RPS6KC1: variants seen among roughly 807,000 people sequenced by gnomAD.
The protein encoded by RPS6KC1 is ribosomal protein S6 kinase C1.
A neutral mutation model predicts 103.8 loss-of-function variants in RPS6KC1; 54 were observed. That is an observed-to-expected ratio of 0.52 (90% confidence interval 0.42 to 0.65). RPS6KC1 has a LOEUF of 0.65. Among genes scored for constraint, RPS6KC1 ranks in the 30% least tolerant of loss-of-function variants. The probability of loss-of-function intolerance (pLI) is 0.00; values close to 1 mark genes in which losing one functional copy is unlikely to be tolerated. For missense variants in RPS6KC1, 1,151 were observed against 1,253.8 expected (o/e 0.92, Z 1.24); for synonymous variants, 439 against 438.7 (o/e 1.00, Z -0.01).
At chr1:213,237,257 C>G (rs533671201) in intron 10 of RPS6KC1, among the ~76,000 whole-genome samples, 1 of 152,076 alleles carries the variant, frequency 6.6e-6, no homozygotes, top group Non-Finnish European at 1.5e-5. Context: ...AATGTAAATG[C>G]TGGCTCACCA....
Position 213,115,138 on chromosome 1 carries a change from A to T in RPS6KC1, c.379-2179A>T, listed in dbSNP as rs561351318. ...GTTTCAGAAGGAATAGTACCAGCTC[A>T]TCTTTGTACCTCTGGTAGAATTCGG... On this transcript the variant is annotated intron_variant, in intron 4 of 14. Coordinates refer to ENST00000366960, the MANE Select transcript of RPS6KC1 (RefSeq NM_012424.6). Among the ~76,000 whole-genome samples, 5 of 152,266 alleles carry T rather than the reference A, an allele frequency of 3.3e-5. No homozygotes were observed. In the South Asian group the frequency reaches 8.3e-4, roughly 25 times the overall value.
At chr1:213,587,446 A>G in the RPS6KC1 span, among the ~76,000 whole-genome samples, 89 of 152,330 alleles carry the variant, frequency 5.8e-4, 2 homozygotes, top group East Asian at 0.016. Flanking sequence ...GCCTGGGAAG[A>G]TACCTTCAAG....
chr1:213,804,949 G>T, the RPS6KC1 span, among the ~76,000 whole-genome samples: 1 of 152,242 alleles, frequency 6.6e-6, no homozygotes, highest in East Asian at 1.9e-4. Context: ...AGCAAATATC[G>T]CAACAAAGCA....
chr1:213,839,422 G>A, the RPS6KC1 span, among the ~76,000 whole-genome samples: 1 of 152,164 alleles, frequency 6.6e-6, no homozygotes, highest in Non-Finnish European at 1.5e-5. Flanking sequence ...CTTTCTGAAG[G>A]AGTTTGAGGC....
chr1:213,418,702 T>C, the RPS6KC1 span, among the ~76,000 whole-genome samples: 1 of 152,232 alleles, frequency 6.6e-6, no homozygotes, highest in Non-Finnish European at 1.5e-5. Context: ...TTGAGTTCCC[T>C]TGTCAACAGG....
At chr1:213,325,545 T>C in the RPS6KC1 span, among the ~76,000 whole-genome samples, 1 of 152,124 alleles carries the variant, frequency 6.6e-6, no homozygotes, top group Non-Finnish European at 1.5e-5. Flanking sequence ...CCTTCTAGAG[T>C]TCTCTTTCTA....
At chr1:213,806,975 G>A in the RPS6KC1 span, among the ~76,000 whole-genome samples, 2 of 151,786 alleles carry the variant, frequency 1.3e-5, no homozygotes, top group Non-Finnish European at 3.0e-5. Flanking sequence ...GGCAGGCCTG[G>A]TGGTGACAAA....
the RPS6KC1 span, among the ~76,000 whole-genome samples, chr1:213,482,160 A>G: frequency 6.6e-6 from 1 of 152,136 alleles, no homozygotes; most frequent in Non-Finnish European, 1.5e-5. Context: ...TCTTTTCTTT[A>G]TATATTACCC....
chr1:213,665,416 A>G, the RPS6KC1 span, among the ~76,000 whole-genome samples: 1 of 152,074 alleles, frequency 6.6e-6, no homozygotes, highest in African/African-American at 2.4e-5. Flanking sequence ...ACAAATTGCC[A>G]TTAAAATGTT....
chr1:213,697,893 G>A, the RPS6KC1 span, among the ~76,000 whole-genome samples: 2 of 152,058 alleles, frequency 1.3e-5, no homozygotes, highest in African/African-American at 4.8e-5. Context: ...TCCAGCTATT[G>A]TAGAAACATT....
chr1:213,051,732 T>C (rs2076966707), intron 1 of RPS6KC1, among the ~76,000 whole-genome samples: 1 of 152,088 alleles, frequency 6.6e-6, no homozygotes, highest in South Asian at 2.1e-4. Flanking sequence ...AGAGTCCTCT[T>C]TCTGGGGGTG....
chr1:213,546,472 T>C, the RPS6KC1 span: 1 of 152,190 alleles, frequency 6.6e-6, no homozygotes, highest in Non-Finnish European at 1.5e-5. Context: ...GGCTTCTCAT[T>C]GCATAGAGAC....
chr1:213,151,917 C>T (rs1235386062), intron 6 of RPS6KC1, among the ~76,000 whole-genome samples: 12 of 121,744 alleles, frequency 9.9e-5, no homozygotes, highest in African/African-American at 3.6e-4. Context: ...GGCGGCTGGC[C>T]GGGCGGGGGG....
chr1:213,618,700 G>A, the RPS6KC1 span, among the ~76,000 whole-genome samples: 1 of 152,244 alleles, frequency 6.6e-6, no homozygotes, highest in African/African-American at 2.4e-5. Context: ...ACTGATGTTA[G>A]TGGGTGGTAA....
chr1:213,820,801 T>C, the RPS6KC1 span: 2 of 152,162 alleles, frequency 1.3e-5, no homozygotes, highest in Admixed American at 6.6e-5. Context: ...GTTGGAAATC[T>C]GAGGCCCAAA....
the RPS6KC1 span, among the ~76,000 whole-genome samples, chr1:213,316,657 G>A: frequency 1.3e-5 from 2 of 151,978 alleles, no homozygotes; most frequent in Non-Finnish European, 2.9e-5. Context: ...CATATTCTGA[G>A]GATGACTACA....
chr1:213,671,698 C>T, the RPS6KC1 span, among the ~76,000 whole-genome samples: 97 of 152,162 alleles, frequency 6.4e-4, no homozygotes, highest in African/African-American at 1.8e-3. Flanking sequence ...GCAGAAGAAT[C>T]GCTTGAACCT....
At chr1:213,628,299 A>T in the RPS6KC1 span, among the ~76,000 whole-genome samples, 1 of 151,562 alleles carries the variant, frequency 6.6e-6, no homozygotes, top group East Asian at 1.9e-4. Flanking sequence ...GCATCTATTT[A>T]ATTCTTCTCT....
At chr1:213,764,281 A>G in the RPS6KC1 span, among the ~76,000 whole-genome samples, 78 of 152,142 alleles carry the variant, frequency 5.1e-4, no homozygotes, top group Non-Finnish European at 1.1e-3. Flanking sequence ...TGAATCTCCT[A>G]AAGCCAAGAA....
Sources: gnomAD v4.1 joint callset for allele counts (sites outside exome capture counted in the v4.1 genomes callset) on GRCh38, gnomAD v4.1.1 for gene constraint, MANE v1.5 for transcripts, NCBI Gene and HGNC (gene_info 2026-07-23, HGNC 2026-07-21) for gene names.